The following EGFLAM variants were observed in gnomAD, a reference collection of about 807,000 sequenced individuals.
The protein encoded by EGFLAM is EGF like, fibronectin type III and laminin G domains.
Under a neutral mutation model 113.1 loss-of-function variants are expected in EGFLAM, and 79 were observed. The observed-to-expected ratio is 0.70, with a 90% CI of 0.58 to 0.84. EGFLAM has a LOEUF of 0.84. Ranked by LOEUF, EGFLAM falls within the 40% of genes least tolerant of loss-of-function variation. The pLI is 0.00. For missense variants in EGFLAM, 1,265 were observed against 1,291.6 expected (o/e 0.98, Z 0.32); for synonymous variants, 504 against 487.6 (o/e 1.03, Z -0.44).
intron 16 of EGFLAM, among the ~76,000 whole-genome samples, chr5:38,435,629 C>T (rs549904531): frequency 3.3e-5 from 5 of 152,142 alleles, no homozygotes; most frequent in East Asian, 3.9e-4. Flanking sequence ...TTCTCTTTTG[C>T]GGTACTTTGC....
chr5:38,383,245 G>T (rs976083047), intron 6 of EGFLAM, among the ~76,000 whole-genome samples: 2 of 152,110 alleles, frequency 1.3e-5, no homozygotes, highest in African/African-American at 2.4e-5. Flanking sequence ...GTTCTTTGGC[G>T]TTTATAACAT....
intron 6 of EGFLAM, chr5:38,403,822 G>A: frequency 1.2e-6 from 2 of 1,613,500 alleles, no homozygotes; most frequent in Non-Finnish European, 1.7e-6. Context: ...GTCCTCAAGG[G>A]CCTTTTGTGT....
intron 6 of EGFLAM, chr5:38,403,660 C>T (rs1741187596): frequency 2.0e-6 from 2 of 1,008,974 alleles, no homozygotes; most frequent in Non-Finnish European, 2.8e-6. Context: ...TTTCATCGTG[C>T]TACTCAGAAC....
intron 1 of EGFLAM, among the ~76,000 whole-genome samples, chr5:38,302,621 C>T (rs1758614352): frequency 6.6e-6 from 1 of 150,852 alleles, no homozygotes; most frequent in Non-Finnish European, 1.5e-5. Context: ...CATTTTCCCC[C>T]AACAGTTCAG....
chr5:38,271,578 C>T (rs1757765004), intron 1 of EGFLAM, among the ~76,000 whole-genome samples: 1 of 152,298 alleles, frequency 6.6e-6, no homozygotes, highest in Non-Finnish European at 1.5e-5. Flanking sequence ...TTTCCCAATG[C>T]TGAATGTTAT....
At chr5:38,452,758 A>G (rs1263789314) in intron 19 of EGFLAM, among the ~76,000 whole-genome samples, 1 of 152,204 alleles carries the variant, frequency 6.6e-6, no homozygotes, top group Non-Finnish European at 1.5e-5. Context: ...CCAACATGAG[A>G]GTTTTGTAAA....
At chr5:38,283,130 C>G (rs968840395) in intron 1 of EGFLAM, among the ~76,000 whole-genome samples, 1 of 152,292 alleles carries the variant, frequency 6.6e-6, no homozygotes, top group South Asian at 2.1e-4. Context: ...AGCCACCATG[C>G]CTGGCCTGGG....
intron 6 of EGFLAM, among the ~76,000 whole-genome samples, chr5:38,378,455 CG>C (rs1217384757): frequency 3.3e-5 from 5 of 152,150 alleles, no homozygotes; most frequent in African/African-American, 1.2e-4. Flanking sequence ...TCTTCTTTGG[CG>C]GCAATGCCCC....
chr5:38,442,837 A>T (rs751287976), intron 17 of EGFLAM, among the ~76,000 whole-genome samples: 1 of 152,238 alleles, frequency 6.6e-6, no homozygotes, highest in African/African-American at 2.4e-5. Context: ...AGCAAGGTAC[A>T]TTCCTTGTCA....
At chr5:38,432,381 A>C (rs1407308869) in intron 15 of EGFLAM, among the ~76,000 whole-genome samples, 1 of 151,700 alleles carries the variant, frequency 6.6e-6, no homozygotes, top group Non-Finnish European at 1.5e-5. Context: ...ATTGGAACCA[A>C]GGGCCTCCTT....
intron 5 of EGFLAM, among the ~76,000 whole-genome samples, chr5:38,363,153 C>A (rs1057040141): frequency 6.6e-6 from 1 of 151,860 alleles, no homozygotes; most frequent in Non-Finnish European, 1.5e-5. Context: ...GGTTTTGGAC[C>A]TTTCTCTGCA....
chr5:38,418,118 C>T lies in EGFLAM; in HGVS notation c.1547C>T (p.Pro516Leu), dbSNP rs1358708036. The T allele has an allele frequency of 6.2e-7, 1 of 1,614,076 alleles. No individual in the cohort carries two copies. Among genetic ancestry groups the T allele is most frequent in the South Asian group, 1.1e-5 (1 of 91,064 alleles). Residue 516 changes from proline to leucine, a missense_variant, in exon 12 of 22, where the codon CCC (proline) becomes CTC (leucine). Coordinates refer to ENST00000322350, the MANE Select transcript of EGFLAM (RefSeq NM_152403.4). ...FRTPLYLGGA[P>L]SAYWLVRATG... is the part of the protein sequence containing the mutation. ...ACACCTCTCTATCTTGGTGGCGCTC[C>T]CAGCGCTTACTGGTTGGTTAGAGCA...
intron 5 of EGFLAM, among the ~76,000 whole-genome samples, chr5:38,360,544 A>C (rs1286578243): frequency 2.6e-5 from 4 of 152,142 alleles, no homozygotes; most frequent in African/African-American, 9.7e-5. Flanking sequence ...TGGACTCCCT[A>C]GTGCAAACCT....
intron 6 of EGFLAM, among the ~76,000 whole-genome samples, chr5:38,388,856 C>T (rs559301464): frequency 1.3e-5 from 2 of 148,852 alleles, no homozygotes; most frequent in East Asian, 2.0e-4. Flanking sequence ...TCGAGGCTGC[C>T]GTGAGCCCTG....
intron 1 of EGFLAM, among the ~76,000 whole-genome samples, chr5:38,321,028 C>A (rs940963632): frequency 2.6e-5 from 4 of 152,108 alleles, no homozygotes; most frequent in Non-Finnish European, 2.9e-5. Context: ...ATGATTCCAG[C>A]ATGTTGCAAT....
At chr5:38,276,244 C>T (rs886931645) in intron 1 of EGFLAM, among the ~76,000 whole-genome samples, 1 of 152,194 alleles carries the variant, frequency 6.6e-6, no homozygotes, top group African/African-American at 2.4e-5. Context: ...CGGGAAGGAC[C>T]TGTCCCCATG....
intron 15 of EGFLAM, among the ~76,000 whole-genome samples, chr5:38,431,698 A>G (rs1195891845): frequency 6.6e-6 from 1 of 152,132 alleles, no homozygotes; most frequent in Non-Finnish European, 1.5e-5. Flanking sequence ...TGGGGCTCAA[A>G]ATCTGGCTCA....
intron 1 of EGFLAM, among the ~76,000 whole-genome samples, chr5:38,265,140 C>T (rs1323935970): frequency 6.6e-6 from 1 of 152,130 alleles, no homozygotes; most frequent in African/African-American, 2.4e-5. Context: ...CAGAAAGGAG[C>T]TGAGTGGTGC....
intron 17 of EGFLAM, among the ~76,000 whole-genome samples, chr5:38,440,928 G>A (rs533606940): frequency 6.6e-6 from 1 of 152,292 alleles, no homozygotes; most frequent in East Asian, 1.9e-4. Flanking sequence ...AGTTCCACAA[G>A]GGCCGTAGTT....
Sources: gnomAD v4.1 joint callset for allele counts (sites outside exome capture counted in the v4.1 genomes callset) on GRCh38, gnomAD v4.1.1 for gene constraint, MANE v1.5 for transcripts, NCBI Gene and HGNC (gene_info 2026-07-23, HGNC 2026-07-21) for gene names.